The following PRMT1 variants were observed in gnomAD, a reference collection of about 807,000 sequenced individuals.
PRMT1 encodes the protein protein arginine methyltransferase 1, also known as protein arginine N-methyltransferase 1.
Under a neutral mutation model 47.4 loss-of-function variants are expected in PRMT1, and 5 were observed. The observed-to-expected ratio is 0.11, with a 90% CI of 0.06 to 0.22. PRMT1 has a LOEUF of 0.22. Ranked by LOEUF, PRMT1 falls within the 10% of genes least tolerant of loss-of-function variation. The pLI is 1.00. For missense variants in PRMT1, 249 were observed against 518.4 expected, an observed-to-expected ratio of 0.48 and a Z score of 5.05; for synonymous variants, 227 against 204.6, an observed-to-expected ratio of 1.11 and a Z score of -0.94.
intron 1 of PRMT1, chr19:49,679,587 G>A (rs376369189): frequency 3.5e-5 from 24 of 686,382 alleles, no homozygotes; most frequent in African/African-American, 3.3e-4. Context: ...TGGCCTGGAT[G>A]GGGGAGGTGT....
chr19:49,678,108 G>A (rs1196175553), intron 1 of PRMT1: 1 of 152,100 alleles, frequency 6.6e-6, no homozygotes, highest in Non-Finnish European at 1.5e-5. Context: ...TGTGTGGGAG[G>A]GACATCTTTT....
upstream of PRMT1, chr19:49,676,514 T>G (rs2082040361): frequency 6.6e-6 from 1 of 152,074 alleles, no homozygotes; most frequent in Non-Finnish European, 1.5e-5. Context: ...TTTAAAAAAC[T>G]TGGAATGATT....
chr19:49,681,999 C>T lies in PRMT1; in HGVS notation c.282C>T (p.Asp94=), dbSNP rs199719552. 3.5e-5 allele frequency: 57 copies of T among 1,614,174 alleles called. No homozygotes were observed. The highest frequency in any genetic ancestry group is 3.3e-4 in the Middle Eastern group (2 of 6,062). Residue 94 remains aspartate, a synonymous_variant, in exon 4 of 11, where the codon GAC becomes GAT. Coordinates refer to ENST00000454376, the MANE Select transcript of PRMT1 (RefSeq NM_001536.6). The surrounding 1 kb of genome is among the most constrained non-coding windows in gnomAD (Gnocchi z 4.4). ...RHLFKDKVVL[D]VGSGTGILCM... The stretch of plus-strand genomic sequence containing the variant: ...TCTTCAAGGACAAGGTGGTGCTGGA[C>T]GTCGGCTCGGGCACCGGCATCCTCT...
chr19:49,680,728 A>T lies in PRMT1; in HGVS notation c.192+140A>T. The T allele has an allele frequency of 1.5e-6, 1 of 678,222 alleles. No homozygotes were observed. Among genetic ancestry groups the T allele is most frequent in the Non-Finnish European group, 2.5e-6 (1 of 392,876 alleles). The allele number at this position is 678,222 out of a possible 1,614,324, so 42.0% of individuals were successfully genotyped here. A position where few individuals can be genotyped will look rare whatever the true frequency, so the allele number is the denominator to read the frequency against. ...CCTGCCCCTCTGCTGCGCACTTCCT[A>T]GGGTCGCCTCGCCAAGCCGTTGCCT... is the stretch of plus-strand genomic sequence containing the variant. On this transcript the variant is annotated intron_variant, in intron 3 of 10. Coordinates refer to ENST00000454376, the MANE Select transcript of PRMT1 (RefSeq NM_001536.6). This position sits in a 1 kb window ranked among gnomAD's most constrained non-coding sequence, Gnocchi z 4.2.
chr19:49,687,304 C>T (rs917852738), intron 10 of PRMT1, among the ~76,000 whole-genome samples: 1 of 152,042 alleles, frequency 6.6e-6, no homozygotes, highest in South Asian at 2.1e-4. Context: ...GGCAGAGATC[C>T]AGTGTGGTGG....
Position 49,680,651 on chromosome 19 carries a change from G to A in PRMT1, c.192+63G>A. ...GGGCTTAAATGTTGGGGAAGGGGTG[G>A]AACCTGTTTTCCCACGCATGCGCAC... is the stretch of plus-strand genomic sequence containing the variant. On this transcript the variant is annotated intron_variant, in intron 3 of 10. Coordinates refer to ENST00000454376, the MANE Select transcript of PRMT1 (RefSeq NM_001536.6). The surrounding 1 kb of genome is among the most constrained non-coding windows in gnomAD (Gnocchi z 4.2). 6 of 1,363,146 alleles carry A rather than the reference G, an allele frequency of 4.4e-6. No individual in the cohort carries two copies. Among genetic ancestry groups the A allele is most frequent in the Non-Finnish European group, 6.3e-6 (6 of 956,078 alleles). The allele number at this position is 1,363,146 out of a possible 1,614,324, so 84.4% of individuals were successfully genotyped here.
chr19:49,679,044 C>T (rs1365296001), intron 1 of PRMT1, among the ~76,000 whole-genome samples: 2 of 152,072 alleles, frequency 1.3e-5, no homozygotes, highest in Non-Finnish European at 2.9e-5. Flanking sequence ...CCACCAGGCC[C>T]AGCTAATTTT....
chr19:49,686,566 G>GGGGGGGGGCC, intron 9 of PRMT1, 39 bp from the exon 10 acceptor site: 1 of 1,315,694 alleles, frequency 7.6e-7, no homozygotes, highest in Non-Finnish European at 1.1e-6. Context: ...GTTGGGGGGG[G>GGGGGGGGGCC]CAGCAGGCCG....
At chr19:49,678,004 G>T (rs1016827728) in intron 1 of PRMT1, among the ~76,000 whole-genome samples, 2 of 152,112 alleles carry the variant, frequency 1.3e-5, no homozygotes, top group African/African-American at 4.8e-5. Flanking sequence ...GATGGGGCAT[G>T]CCCCTGTGAC....
intron 10 of PRMT1, 61 bp downstream of exon 10, chr19:49,686,787 G>A: frequency 1.2e-6 from 1 of 834,214 alleles, no homozygotes; most frequent in Non-Finnish European, 1.7e-6. Context: ...TAGATTGGGG[G>A]GGGAGTGGTG....
At chr19:49,682,993 A>G (rs566272146) in intron 5 of PRMT1, among the ~76,000 whole-genome samples, 1 of 151,770 alleles carries the variant, frequency 6.6e-6, no homozygotes, top group Non-Finnish European at 1.5e-5. Flanking sequence ...TCACCGTGTT[A>G]GCCAGGATGG....
At position 49,686,248 on chromosome 19, in the gene PRMT1, G is replaced by A. The variant is rs2123006861; in HGVS notation, c.910+5G>A. The A allele has an allele frequency of 6.3e-7, 1 of 1,589,896 alleles. No individual in the cohort carries two copies. ...AGAGGACCGGCTTCTCCACCAGTGA[G>A]GCGGGGCCCACAGGGCTGGGGGCCG... On this transcript the variant is annotated splice_donor_5th_base_variant and intron_variant, in intron 9 of 10. Coordinates refer to ENST00000454376, the MANE Select transcript of PRMT1 (RefSeq NM_001536.6).
chr19:49,678,069 C>T (rs1481154214), intron 1 of PRMT1, among the ~76,000 whole-genome samples: 1 of 152,030 alleles, frequency 6.6e-6, no homozygotes, highest in Non-Finnish European at 1.5e-5. Context: ...TTAATAGGCG[C>T]CGTGCACCCC....
At chr19:49,686,464 C>A in intron 9 of PRMT1, 141 bp from the exon 10 acceptor site, 1 of 1,171,906 alleles carries the variant, frequency 8.5e-7, no homozygotes, top group Non-Finnish European at 1.2e-6. Context: ...TCCCTGTCTC[C>A]AAAGCTCAAT....
upstream of PRMT1, chr19:49,677,257 G>A: frequency 7.0e-7 from 1 of 1,421,318 alleles, no homozygotes; most frequent in Non-Finnish European, 9.2e-7. Context: ...TTGGCGGCCG[G>A]AGGAGGAGTA....
chr19:49,683,850 G>T, intron 5 of PRMT1, 77 bp from the exon 6 acceptor site: 3 of 1,543,072 alleles, frequency 1.9e-6, no homozygotes, highest in Non-Finnish European at 2.6e-6. Flanking sequence ...GGGGTCCCCA[G>T]GCTCTAGCCC....
intron 1 of PRMT1, among the ~76,000 whole-genome samples, chr19:49,678,670 TG>T (rs1273401090): frequency 6.6e-6 from 1 of 152,096 alleles, no homozygotes; most frequent in Non-Finnish European, 1.5e-5. Flanking sequence ...TGGCATTGGC[TG>T]GAGGGGCAGG....
At position 49,683,485 on chromosome 19, in the gene PRMT1, A is replaced by G. The variant is rs376485332; in HGVS notation, c.413-442A>G. The stretch of plus-strand genomic sequence containing the variant: ...GGGCGGATCGTGAGGTCAGGAGATC[A>G]AGACCATCCTGGCCAACACGGTGAC... On this transcript the variant is annotated intron_variant, in intron 5 of 10. Transcript: ENST00000454376. 1.1e-3 allele frequency: 175 copies of G among 161,358 alleles called. 1 individual carries two copies. The highest frequency in any genetic ancestry group is 3.8e-3 in the African/African-American group (156 of 41,556). The allele number at this position is 161,358 out of a possible 1,614,324, so 10.0% of individuals were successfully genotyped here. A position where few individuals can be genotyped will look rare whatever the true frequency, so the allele number is the denominator to read the frequency against.
At chr19:49,687,335 G>T (rs2082222657) in intron 10 of PRMT1, among the ~76,000 whole-genome samples, 1 of 152,086 alleles carries the variant, frequency 6.6e-6, no homozygotes. Context: ...GCAGGAGGAT[G>T]GAAGGCTTGG....
Sources: gnomAD v4.1 joint callset for allele counts (sites outside exome capture counted in the v4.1 genomes callset) on GRCh38, gnomAD v4.1.1 for gene constraint, Gnocchi (gnomAD v3.1) non-coding constraint, MANE v1.5 for transcripts, NCBI Gene and HGNC (gene_info 2026-07-23, HGNC 2026-07-21) for gene names.